The following CCSER1 variants were observed in gnomAD, a reference collection of about 807,000 sequenced individuals.
CCSER1 encodes coiled-coil serine rich protein 1.
A neutral mutation model predicts 82.0 loss-of-function variants in CCSER1; 41 were observed. The ratio of observed to expected loss-of-function variants is 0.50; its 90% CI spans 0.39 to 0.65. The LOEUF is 0.65. CCSER1 is among the 30% of genes least tolerant of loss of function. The pLI is 0.00. For missense variants in CCSER1, 1,119 were observed against 1,064.2 expected, an observed-to-expected ratio of 1.05 and a Z score of -0.72; for synonymous variants, 414 against 383.9, an observed-to-expected ratio of 1.08 and a Z score of -0.92.
chr4:90,509,672 T>C (rs900909345), intron 5 of CCSER1, among the ~76,000 whole-genome samples: 3 of 152,142 alleles, frequency 2.0e-5, no homozygotes, highest in Non-Finnish European at 4.4e-5. Context: ...TGAACGTTAT[T>C]ATCACAATTA....
At chr4:90,744,364 G>A (rs1203500811) in intron 7 of CCSER1, among the ~76,000 whole-genome samples, 1 of 152,080 alleles carries the variant, frequency 6.6e-6, no homozygotes, top group African/African-American at 2.4e-5. Flanking sequence ...GCAAAATGAA[G>A]AATATTTTCT....
intron 9 of CCSER1, among the ~76,000 whole-genome samples, chr4:90,981,087 GA>G (rs1384549604): frequency 6.6e-6 from 1 of 151,776 alleles, no homozygotes; most frequent in Non-Finnish European, 1.5e-5. Context: ...GAAGTTGGTG[GA>G]TAAATATTCA....
intron 1 of CCSER1, among the ~76,000 whole-genome samples, chr4:90,283,597 C>G (rs1003343458): frequency 1.3e-5 from 2 of 152,020 alleles, no homozygotes; most frequent in African/African-American, 4.8e-5. Flanking sequence ...TGCTATTGAA[C>G]ATTAGATCTT....
chr4:91,111,245 T>C (rs1263993563), intron 10 of CCSER1, among the ~76,000 whole-genome samples: 2 of 152,016 alleles, frequency 1.3e-5, no homozygotes, highest in Admixed American at 6.6e-5. Context: ...CAGACACTCA[T>C]CACTTTTATC....
chr4:91,178,642 T>A (rs1046175922), intron 10 of CCSER1, among the ~76,000 whole-genome samples: 1 of 152,214 alleles, frequency 6.6e-6, no homozygotes, highest in Non-Finnish European at 1.5e-5. Context: ...TACCTTTTTT[T>A]ATTTTCCATT....
intron 6 of CCSER1, among the ~76,000 whole-genome samples, chr4:90,646,817 T>G (rs1319164016): frequency 6.6e-6 from 1 of 152,162 alleles, no homozygotes; most frequent in East Asian, 1.9e-4. Flanking sequence ...TATATCTTCT[T>G]ACTTTCCTAG....
intron 9 of CCSER1, among the ~76,000 whole-genome samples, chr4:90,979,082 A>G (rs1300291154): frequency 2.6e-5 from 4 of 151,640 alleles, no homozygotes; most frequent in Non-Finnish European, 5.9e-5. Flanking sequence ...GTTCTAAGTT[A>G]TACTTTCTGA....
intron 9 of CCSER1, among the ~76,000 whole-genome samples, chr4:90,953,399 A>G (rs571810582): frequency 1.3e-5 from 2 of 151,818 alleles, no homozygotes; most frequent in South Asian, 2.1e-4. Context: ...CTATTTTACA[A>G]TGAAACTTTT....
chr4:90,840,723 T>G (rs113847137), intron 8 of CCSER1, among the ~76,000 whole-genome samples: 44 of 152,206 alleles, frequency 2.9e-4, no homozygotes, highest in African/African-American at 1.0e-3. Flanking sequence ...AGAAGCACCC[T>G]CATCCATGAA....
At chr4:90,197,380 A>G (rs944758173) in intron 1 of CCSER1, among the ~76,000 whole-genome samples, 19 of 152,112 alleles carry the variant, frequency 1.2e-4, no homozygotes, top group Non-Finnish European at 5.9e-5. Flanking sequence ...AGGTTCCTCA[A>G]AAAATTAAAG....
chr4:90,323,337 C>A (rs1737516596), intron 3 of CCSER1, among the ~76,000 whole-genome samples: 1 of 152,198 alleles, frequency 6.6e-6, no homozygotes, highest in Non-Finnish European at 1.5e-5. Context: ...GACTGAAGTT[C>A]TTGTGACCTG....
intron 6 of CCSER1, among the ~76,000 whole-genome samples, chr4:90,634,039 TTC>T (rs1724967029): frequency 6.6e-6 from 1 of 151,760 alleles, no homozygotes; most frequent in Admixed American, 6.6e-5. Flanking sequence ...CATTTTTTTC[TTC>T]TTTTTCTTAA....
At chr4:90,757,939 T>C (rs1056136259) in intron 7 of CCSER1, among the ~76,000 whole-genome samples, 1 of 151,446 alleles carries the variant, frequency 6.6e-6, no homozygotes, top group Non-Finnish European at 1.5e-5. Context: ...TTTTCTTTTT[T>C]TTTTTTTTTT....
intron 8 of CCSER1, among the ~76,000 whole-genome samples, chr4:90,864,031 T>G (rs1239261396): frequency 6.7e-6 from 1 of 149,904 alleles, no homozygotes; most frequent in Non-Finnish European, 1.5e-5. Context: ...CACCATGAGC[T>G]GTGCTCTAAT....
At chr4:91,510,031 TTG>T (rs138737240) in intron 10 of CCSER1, among the ~76,000 whole-genome samples, 1,801 of 152,154 alleles carry the variant, frequency 0.012, 35 homozygotes, top group African/African-American at 0.042. Flanking sequence ...CCATATAGCC[TTG>T]TGTCTATTGT....
chr4:90,674,763 G>C (rs114257265), intron 6 of CCSER1, among the ~76,000 whole-genome samples: 2 of 151,462 alleles, frequency 1.3e-5, no homozygotes, highest in Non-Finnish European at 2.9e-5. Context: ...TTTTTTTATA[G>C]CATGTAAGAA....
chr4:90,884,571 C>A (rs188982414), intron 8 of CCSER1, among the ~76,000 whole-genome samples: 1 of 152,026 alleles, frequency 6.6e-6, no homozygotes, highest in East Asian at 1.9e-4. Context: ...AAAAATGTCT[C>A]TTTTTATTTC....
At chr4:91,083,382 T>G (rs530783568) in intron 9 of CCSER1, among the ~76,000 whole-genome samples, 1 of 150,434 alleles carries the variant, frequency 6.6e-6, no homozygotes, top group Non-Finnish European at 1.5e-5. Flanking sequence ...AGACACAAGG[T>G]GGGGAACATC....
intron 7 of CCSER1, among the ~76,000 whole-genome samples, chr4:90,775,742 C>T (rs937194816): frequency 6.6e-6 from 1 of 152,104 alleles, no homozygotes; most frequent in Non-Finnish European, 1.5e-5. Context: ...AAATTTTTAG[C>T]TAATATTTCA....
Sources: gnomAD v4.1 joint callset for allele counts (sites outside exome capture counted in the v4.1 genomes callset) on GRCh38, gnomAD v4.1.1 for gene constraint, MANE v1.5 for transcripts, NCBI Gene and HGNC (gene_info 2026-07-23, HGNC 2026-07-21) for gene names.